CPNE4: variants seen among roughly 807,000 people sequenced by gnomAD.
CPNE4 encodes the protein copine 4.
Under a neutral mutation model 67.9 loss-of-function variants are expected in CPNE4, and 25 were observed. The observed-to-expected ratio is 0.37, with a 90% CI of 0.27 to 0.51. CPNE4 has a LOEUF of 0.51. Ranked by LOEUF, CPNE4 falls within the 20% of genes least tolerant of loss-of-function variation. CPNE4 has a pLI of 0.93. For missense variants in CPNE4, 464 were observed against 690.8 expected (o/e 0.67, Z 3.68); for synonymous variants, 242 against 244.9 (o/e 0.99, Z 0.11).
chr3:131,576,377 G>A (rs1425981850), intron 9 of CPNE4, among the ~76,000 whole-genome samples: 2 of 152,046 alleles, frequency 1.3e-5, no homozygotes, highest in South Asian at 2.1e-4. Flanking sequence ...GTGCTTCTGA[G>A]CACTGAACTC....
intron 7 of CPNE4, among the ~76,000 whole-genome samples, chr3:131,654,328 G>A (rs953393842): frequency 7.9e-5 from 12 of 151,886 alleles, no homozygotes; most frequent in African/African-American, 2.9e-4. Context: ...GGGGATTTTT[G>A]TACAGATTGT....
At chr3:131,713,911 C>T (rs562311051) in intron 3 of CPNE4, among the ~76,000 whole-genome samples, 19 of 152,130 alleles carry the variant, frequency 1.2e-4, no homozygotes, top group Admixed American at 1.1e-3. Context: ...AAAAAAATGG[C>T]ACTACTTCCC....
intron 2 of CPNE4, among the ~76,000 whole-genome samples, chr3:131,859,727 T>A (rs149569677): frequency 4.6e-5 from 7 of 152,314 alleles, no homozygotes; most frequent in African/African-American, 1.7e-4. Context: ...CTGAATTACA[T>A]CCACTGCAGA....
intron 7 of CPNE4, among the ~76,000 whole-genome samples, chr3:131,643,578 A>G (rs1207268017): frequency 6.6e-6 from 1 of 152,136 alleles, no homozygotes; most frequent in Non-Finnish European, 1.5e-5. Context: ...GAAAGGCATA[A>G]TTGTGTTTTG....
intron 2 of CPNE4, among the ~76,000 whole-genome samples, chr3:131,833,626 G>A (rs2085457326): frequency 6.6e-6 from 1 of 152,172 alleles, no homozygotes; most frequent in African/African-American, 2.4e-5. Flanking sequence ...CTGAGCCCAG[G>A]AGGTCAAGGC....
At chr3:131,652,628 A>G (rs1330819870) in intron 7 of CPNE4, among the ~76,000 whole-genome samples, 1 of 152,202 alleles carries the variant, frequency 6.6e-6, no homozygotes, top group Non-Finnish European at 1.5e-5. Flanking sequence ...TGATTTAACC[A>G]CTGAGAAGAA....
chr3:131,709,873 T>C (rs1023400449), intron 3 of CPNE4, among the ~76,000 whole-genome samples: 2 of 152,232 alleles, frequency 1.3e-5, no homozygotes, highest in African/African-American at 4.8e-5. Context: ...GCCCACACTT[T>C]TACATTTTCT....
intron 2 of CPNE4, among the ~76,000 whole-genome samples, chr3:131,773,827 T>C (rs972477015): frequency 6.6e-6 from 1 of 152,190 alleles, no homozygotes; most frequent in Non-Finnish European, 1.5e-5. Context: ...ATCCTGTTTT[T>C]CTACATCATG....
intron 7 of CPNE4, among the ~76,000 whole-genome samples, chr3:131,646,383 T>C (rs1299634092): frequency 6.6e-6 from 1 of 152,122 alleles, no homozygotes; most frequent in African/African-American, 2.4e-5. Context: ...CACATACATA[T>C]AGCAGAAAAC....
intron 1 of CPNE4, among the ~76,000 whole-genome samples, chr3:131,944,748 T>C (rs981916939): frequency 6.6e-6 from 1 of 152,202 alleles, no homozygotes; most frequent in Non-Finnish European, 1.5e-5. Context: ...TACTGTTTTT[T>C]GAAGATGAAT....
intron 15 of CPNE4, among the ~76,000 whole-genome samples, chr3:131,541,234 A>T (rs1164631618): frequency 6.6e-6 from 1 of 152,216 alleles, no homozygotes; most frequent in Non-Finnish European, 1.5e-5. Context: ...GACTACCATT[A>T]GCCCCAAGGG....
At chr3:131,882,774 T>C (rs996132738) in intron 2 of CPNE4, among the ~76,000 whole-genome samples, 3 of 150,806 alleles carry the variant, frequency 2.0e-5, no homozygotes, top group African/African-American at 7.3e-5. Context: ...CAGGCTGCAG[T>C]GGCACGATCT....
At chr3:131,847,611 G>T (rs1183817800) in intron 2 of CPNE4, among the ~76,000 whole-genome samples, 1 of 152,136 alleles carries the variant, frequency 6.6e-6, no homozygotes, top group African/African-American at 2.4e-5. Context: ...TCCTACAGGG[G>T]ATATACCAAT....
At chr3:131,590,338 T>C (rs887318978) in intron 7 of CPNE4, among the ~76,000 whole-genome samples, 4 of 152,102 alleles carry the variant, frequency 2.6e-5, no homozygotes, top group African/African-American at 4.8e-5. Flanking sequence ...GGGGTGGAAC[T>C]CTACAGAAAT....
At chr3:131,557,193 C>T (rs1345383297) in intron 11 of CPNE4, among the ~76,000 whole-genome samples, 1 of 152,124 alleles carries the variant, frequency 6.6e-6, no homozygotes, top group Non-Finnish European at 1.5e-5. Flanking sequence ...CCATAGGGCT[C>T]TTGGCAAGGA....
rs2080364571 is a variant in CPNE4 at position 131,669,860 on chromosome 3, T to C, written c.592-96A>G. The C allele has an allele frequency of 4.2e-6, 4 of 958,910 alleles. No individual in the cohort carries two copies. In the African/African-American group the frequency reaches 4.9e-5, roughly 12 times the overall value. 59.4% of individuals were successfully genotyped at this position (958,910 alleles called of 1,614,324 possible). A position where few individuals can be genotyped will look rare whatever the true frequency, so the allele number is the denominator to read the frequency against. On this transcript the variant is annotated intron_variant, in intron 6 of 15. Transcript: ENST00000429747. ...CTGCTTGAGAAACCATTGTGATGCT[T>C]ATGAAAAGAACAATAGCCTGGAAGA...
chr3:131,769,318 G>A (rs1445868003), intron 2 of CPNE4, among the ~76,000 whole-genome samples: 8 of 152,202 alleles, frequency 5.3e-5, no homozygotes, highest in African/African-American at 9.6e-5. Context: ...TCAAGTGCCC[G>A]GTTCCCTTCC....
At chr3:131,614,265 T>C (rs906222832) in intron 7 of CPNE4, among the ~76,000 whole-genome samples, 4 of 152,226 alleles carry the variant, frequency 2.6e-5, no homozygotes, top group Middle Eastern at 3.2e-3. Context: ...TTAGGAAACA[T>C]ACTATGTACA....
At chr3:131,791,368 A>T (rs1016768717) in intron 2 of CPNE4, among the ~76,000 whole-genome samples, 25 of 152,214 alleles carry the variant, frequency 1.6e-4, no homozygotes, top group African/African-American at 5.8e-4. Flanking sequence ...GTCATCCAAC[A>T]ACTGACAAGT....
Sources: allele counts gnomAD v4.1 joint callset (sites outside exome capture counted in the v4.1 genomes callset), GRCh38; gene constraint gnomAD v4.1.1; transcripts MANE v1.5; gene names NCBI Gene and HGNC (gene_info 2026-07-23, HGNC 2026-07-21).